Variants in UIMC1 observed in about 807,000 individuals in gnomAD.
UIMC1 encodes ubiquitin interaction motif containing 1.
Under a neutral mutation model 84.9 loss-of-function variants are expected in UIMC1, and 42 were observed. The observed-to-expected ratio is 0.49, with a 90% CI of 0.39 to 0.64. The LOEUF (loss-of-function observed/expected upper bound fraction) is 0.64. Among genes scored for constraint, UIMC1 ranks in the 30% least tolerant of loss-of-function variants. The pLI, the probability that UIMC1 is intolerant of heterozygous loss-of-function variation, is 0.00. For missense variants in UIMC1, 825 were observed against 847.6 expected, an observed-to-expected ratio of 0.97 and a Z score of 0.33; for synonymous variants, 281 against 293.0, an observed-to-expected ratio of 0.96 and a Z score of 0.42.
intron 6 of UIMC1, among the ~76,000 whole-genome samples, chr5:176,959,369 T>C (rs989768766): frequency 6.6e-6 from 1 of 152,182 alleles, no homozygotes; most frequent in Non-Finnish European, 1.5e-5. Flanking sequence ...ATAAGGCACC[T>C]CCATCTCTGC....
intron 8 of UIMC1, among the ~76,000 whole-genome samples, chr5:176,954,625 G>A (rs1014240146): frequency 1.3e-5 from 2 of 151,558 alleles, no homozygotes; most frequent in Non-Finnish European, 2.9e-5. Context: ...GGTGGCACAT[G>A]CCTGTAGTCC....
At chr5:176,921,214 C>T (rs553972303) in intron 10 of UIMC1, among the ~76,000 whole-genome samples, 1 of 152,304 alleles carries the variant, frequency 6.6e-6, no homozygotes, top group African/African-American at 2.4e-5. Context: ...GCCTTCCCTC[C>T]TATTGCACAG....
intron 10 of UIMC1, among the ~76,000 whole-genome samples, chr5:176,932,857 GCTTT>G (rs1763281681): frequency 8.4e-6 from 1 of 118,930 alleles, no homozygotes; most frequent in South Asian, 2.7e-4. Flanking sequence ...CAATAGCAAT[GCTTT>G]TTTTTTTTTT....
intron 1 of UIMC1, among the ~76,000 whole-genome samples, chr5:177,016,750 C>T (rs964401408): frequency 1.5e-4 from 22 of 151,416 alleles, no homozygotes; most frequent in African/African-American, 4.6e-4. Flanking sequence ...AGGCCGGGCG[C>T]GGCGGCTCAT....
intron 10 of UIMC1, among the ~76,000 whole-genome samples, chr5:176,926,266 A>G (rs1280651456): frequency 6.6e-6 from 1 of 152,046 alleles, no homozygotes; most frequent in Non-Finnish European, 1.5e-5. Context: ...TGTATACTAG[A>G]TAATAGTATT....
At chr5:176,977,582 C>CA (rs1270486136) in intron 2 of UIMC1, among the ~76,000 whole-genome samples, 725 of 46,970 alleles carry the variant, frequency 0.015, 5 homozygotes, top group African/African-American at 0.029. Flanking sequence ...GACTCCATCT[C>CA]AAAAAAAAAA....
chr5:177,022,601 G>A (rs1775924872), exon 1 of UIMC1: 2 of 921,586 alleles, frequency 2.2e-6, no homozygotes, highest in Non-Finnish European at 3.1e-6. Flanking sequence ...AGCAAAATAA[G>A]CGCGGGGTCC....
rs11959111 is a variant in UIMC1 at position 176,978,281 on chromosome 5, G to A, written c.148-2801C>T. ...CCAGCTACTCGCGAGGCTGAGGCAG[G>A]AGAATGGTGTAAACCCAGGAGGCGG... is the stretch of plus-strand genomic sequence containing the variant. On this transcript the variant is annotated intron_variant, in intron 2 of 14. Transcript: ENST00000511320. 4.1e-3 allele frequency among the ~76,000 whole-genome samples: 626 copies of A among 152,118 alleles called. 6 individuals are homozygous for A. Among genetic ancestry groups the A allele is most frequent in the African/African-American group, 0.014 (582 of 41,508 alleles).
chr5:177,008,812 A>G (rs1380406511), upstream of UIMC1, among the ~76,000 whole-genome samples: 1 of 151,802 alleles, frequency 6.6e-6, no homozygotes, highest in Non-Finnish European at 1.5e-5. Context: ...GGTGATAAAA[A>G]CTCTATGGCT....
At chr5:176,982,710 G>A in intron 1 of UIMC1, 87 bp from the exon 2 acceptor site, 1 of 1,428,826 alleles carries the variant, frequency 7.0e-7, no homozygotes, top group African/African-American at 1.5e-5. Flanking sequence ...ATTCAACTTA[G>A]TCTTTTTTTG....
chr5:176,919,195 C>T (rs994750799), intron 10 of UIMC1: 12 of 397,814 alleles, frequency 3.0e-5, no homozygotes, highest in Non-Finnish European at 4.9e-5. Flanking sequence ...GGGAGGATTG[C>T]TTGAGGTGGA....
At chr5:176,993,044 G>C (rs1056362013) in intron 1 of UIMC1, among the ~76,000 whole-genome samples, 1 of 151,862 alleles carries the variant, frequency 6.6e-6, no homozygotes, top group Admixed American at 6.6e-5. Flanking sequence ...AAATCAGCTG[G>C]GCATGGTGGT....
At chr5:176,990,998 ATTTTT>A (rs1040766899) in intron 1 of UIMC1, among the ~76,000 whole-genome samples, 5 of 151,280 alleles carry the variant, frequency 3.3e-5, no homozygotes, top group Non-Finnish European at 7.4e-5. Flanking sequence ...TTTTTATTTT[ATTTTT>A]TATTTTTATT....
chr5:176,930,603 T>C (rs1000064219), intron 10 of UIMC1, among the ~76,000 whole-genome samples: 1 of 152,266 alleles, frequency 6.6e-6, no homozygotes, highest in African/African-American at 2.4e-5. Context: ...TGCTTAATGT[T>C]AAGCATGGCT....
At chr5:176,992,190 C>G (rs1201745946) in intron 1 of UIMC1, among the ~76,000 whole-genome samples, 1 of 152,064 alleles carries the variant, frequency 6.6e-6, no homozygotes, top group Admixed American at 6.6e-5. Flanking sequence ...AATCCAAAAG[C>G]CCTTAAAGAA....
At chr5:176,920,206 T>C (rs1264330580) in intron 10 of UIMC1, among the ~76,000 whole-genome samples, 1 of 152,066 alleles carries the variant, frequency 6.6e-6, no homozygotes, top group Admixed American at 6.5e-5. Context: ...TTTTGTATTT[T>C]TAGTAGAGAC....
At chr5:177,008,668 A>C (rs1775477329), upstream of UIMC1, among the ~76,000 whole-genome samples, 6 of 152,178 alleles carry the variant, frequency 3.9e-5, no homozygotes, top group South Asian at 1.2e-3. Context: ...GCAGCCTGTA[A>C]GATGGCCCTA....
Position 176,982,437 on chromosome 5 carries a change from ACAGCTCTACTTTT to A in UIMC1, c.147+19_147+31del, listed in dbSNP as rs752523869. ...GGTAAAGAAGCATAGTTTGAGAGCT[ACAGCTCTACTTTT>A]CAGCTCTACTTCACTAACCTCTCCA... On this transcript the variant is annotated intron_variant, in intron 2 of 14. Coordinates refer to ENST00000511320, the MANE Select transcript of UIMC1 (RefSeq NM_001199298.2). 1.0e-5 allele frequency: 16 copies of A among 1,596,860 alleles called. No homozygotes were observed. In the East Asian group the frequency reaches 3.6e-4, roughly 36 times the overall value.
chr5:176,913,400 C>G (rs919401572), intron 10 of UIMC1, among the ~76,000 whole-genome samples: 1 of 152,298 alleles, frequency 6.6e-6, no homozygotes, highest in Non-Finnish European at 1.5e-5. Context: ...AGATCTGATT[C>G]CTATACTTAT....
Sources: gnomAD v4.1 joint callset for allele counts (sites outside exome capture counted in the v4.1 genomes callset) on GRCh38, gnomAD v4.1.1 for gene constraint, MANE v1.5 for transcripts, NCBI Gene and HGNC (gene_info 2026-07-23, HGNC 2026-07-21) for gene names.